NRXN1: variants seen among roughly 807,000 people sequenced by gnomAD.
NRXN1 encodes neurexin 1, also known as neurexin-1.
A neutral mutation model predicts 150.9 loss-of-function variants in NRXN1; 39 were observed. That is an observed-to-expected ratio of 0.26 (90% CI 0.20 to 0.34). NRXN1 has a LOEUF of 0.34. Among genes scored for constraint, NRXN1 ranks in the 10% least tolerant of loss-of-function variants. The pLI, the probability that NRXN1 is intolerant of heterozygous loss-of-function variation, is 1.00. For missense variants in NRXN1, 1,815 were observed against 1,949.9 expected (o/e 0.93, Z 1.30); for synonymous variants, 924 against 757.0 (o/e 1.22, Z -3.62).
chr2:50,660,581 G>A (rs1250469447), intron 5 of NRXN1, among the ~76,000 whole-genome samples: 2 of 152,024 alleles, frequency 1.3e-5, no homozygotes, highest in African/African-American at 4.8e-5. Flanking sequence ...CATCTAATGA[G>A]AAGAGACCTT....
rs561543028 is a variant in NRXN1, at chr2:50,009,210, T to C, written c.4128+44061A>G. On this transcript the variant is annotated intron_variant, in intron 21 of 22. Coordinates refer to ENST00000401669, the MANE Select transcript of NRXN1 (RefSeq NM_001330078.2). The stretch of plus-strand genomic sequence containing the variant: ...CTATGGGACCTGCTATAGTTCTTGA[T>C]GATCCCTTGTCATGAATGGAACTTA... Among the ~76,000 whole-genome samples the C allele has an allele frequency of 5.3e-5, 8 of 152,268 alleles. No individual in the cohort carries two copies. The South Asian group carries it at 1.7e-3, about 32-fold the overall frequency.
At chr2:49,994,075 A>C (rs1682498754) in intron 21 of NRXN1, among the ~76,000 whole-genome samples, 1 of 152,146 alleles carries the variant, frequency 6.6e-6, no homozygotes, top group Non-Finnish European at 1.5e-5. Flanking sequence ...TCAGAATCAC[A>C]CCGGGGATCC....
intron 5 of NRXN1, among the ~76,000 whole-genome samples, chr2:50,828,928 G>C (rs1296569136): frequency 6.6e-6 from 1 of 152,236 alleles, no homozygotes; most frequent in Non-Finnish European, 1.5e-5. Flanking sequence ...CTGCACTCCA[G>C]CCTGGGCACC....
intron 6 of NRXN1, 36 bp downstream of exon 6, chr2:50,623,278 C>T (rs369982509): frequency 7.6e-6 from 12 of 1,571,644 alleles, no homozygotes; most frequent in East Asian, 2.3e-5. Flanking sequence ...TAGCGAGAAA[C>T]AAAGCCAGTT....
At position 50,231,923 on chromosome 2, in the gene NRXN1, T is replaced by C. The variant is rs142796439; in HGVS notation, c.3546+4866A>G. Among the ~76,000 whole-genome samples the C allele has an allele frequency of 1.6e-4, 24 of 152,252 alleles. No homozygotes were observed. The East Asian group carries it at 4.7e-3, about 30-fold the overall frequency. On this transcript the variant is annotated intron_variant, in intron 18 of 22. Transcript: ENST00000401669. ...GCTTCTAAGAAATTATTTAAGTCATTATCAGTTAAATAATCCTCAACACAT... is the reference window on the plus strand; with the variant it reads ...GCTTCTAAGAAATTATTTAAGTCATCATCAGTTAAATAATCCTCAACACAT...
chr2:50,644,271 GT>G (rs1361844552), intron 5 of NRXN1, among the ~76,000 whole-genome samples: 1 of 151,634 alleles, frequency 6.6e-6, no homozygotes, highest in East Asian at 1.9e-4. Flanking sequence ...CCCTGATTAT[GT>G]TAGGTAACTG....
At chr2:50,513,272 G>A (rs1264331701) in intron 12 of NRXN1, among the ~76,000 whole-genome samples, 1 of 152,044 alleles carries the variant, frequency 6.6e-6, no homozygotes, top group African/African-American at 2.4e-5. Flanking sequence ...ACCACCAAAG[G>A]ATCTACCATT....
At chr2:50,443,401 T>C (rs1027404309) in intron 17 of NRXN1, among the ~76,000 whole-genome samples, 1 of 152,182 alleles carries the variant, frequency 6.6e-6, no homozygotes, top group Non-Finnish European at 1.5e-5. Flanking sequence ...GTATAGAAAG[T>C]GTGAGGCCAG....
intron 2 of NRXN1, among the ~76,000 whole-genome samples, chr2:51,026,709 C>T (rs779505097): frequency 9.9e-5 from 15 of 152,192 alleles, no homozygotes; most frequent in Non-Finnish European, 1.6e-4. Flanking sequence ...CTTTATAAGG[C>T]ATTTGTTAAT....
chr2:50,310,671 A>G (rs557291968), intron 17 of NRXN1, among the ~76,000 whole-genome samples: 1 of 152,288 alleles, frequency 6.6e-6, no homozygotes, highest in African/African-American at 2.4e-5. Context: ...TTATTGGAGA[A>G]CATTTAGTCT....
At chr2:50,574,042 T>C (rs1200995543) in intron 8 of NRXN1, among the ~76,000 whole-genome samples, 1 of 152,106 alleles carries the variant, frequency 6.6e-6, no homozygotes, top group Non-Finnish European at 1.5e-5. Flanking sequence ...GTTGCATATT[T>C]AAGAAGTCTC....
chr2:50,833,773 C>T (rs1177408090), intron 5 of NRXN1, among the ~76,000 whole-genome samples: 1 of 152,012 alleles, frequency 6.6e-6, no homozygotes, highest in African/African-American at 2.4e-5. Flanking sequence ...ACTTCATATA[C>T]CACTCAAAAA....
At chr2:50,808,315 G>T (rs547391204) in intron 5 of NRXN1, among the ~76,000 whole-genome samples, 93 of 152,084 alleles carry the variant, frequency 6.1e-4, no homozygotes, top group Middle Eastern at 6.8e-3. Flanking sequence ...ACTTTCATAA[G>T]CCATGTTTTA....
chr2:50,202,886 A>G (rs1229101504), intron 18 of NRXN1, among the ~76,000 whole-genome samples: 1 of 152,126 alleles, frequency 6.6e-6, no homozygotes, highest in Non-Finnish European at 1.5e-5. Flanking sequence ...TTTTAAAATA[A>G]CTCTATAGCA....
chr2:50,941,360 G>A (rs116054627), intron 2 of NRXN1, among the ~76,000 whole-genome samples: 10,849 of 152,186 alleles, frequency 0.071, 523 homozygotes, highest in Middle Eastern at 0.12. Flanking sequence ...ACTGGGTAAC[G>A]GGCAGAAATT....
At chr2:50,623,282 G>A (rs1250490264) in intron 6 of NRXN1, 32 bp downstream of exon 6, 2 of 1,575,008 alleles carry the variant, frequency 1.3e-6, no homozygotes, top group Non-Finnish European at 1.7e-6. Context: ...GAGAAACAAA[G>A]CCAGTTACTC....
chr2:50,750,868 A>C (rs1263810907), intron 5 of NRXN1, among the ~76,000 whole-genome samples: 1 of 152,074 alleles, frequency 6.6e-6, no homozygotes, highest in Non-Finnish European at 1.5e-5. Flanking sequence ...TATTATAAGA[A>C]AACATAAAGA....
chr2:51,013,066 G>A (rs1167624577), intron 2 of NRXN1, among the ~76,000 whole-genome samples: 1 of 151,942 alleles, frequency 6.6e-6, no homozygotes, highest in Non-Finnish European at 1.5e-5. Flanking sequence ...TATGCAGCAG[G>A]GCAAGAACAT....
rs72887722 is a variant in NRXN1 at position 50,177,277 on chromosome 2, T to G, written c.3546+59512A>C. Among the ~76,000 whole-genome samples the G allele has an allele frequency of 1.3e-3, 195 of 152,208 alleles. 1 individual carries two copies. Among genetic ancestry groups the G allele is most frequent in the African/African-American group, 4.2e-3 (173 of 41,572 alleles). ...TCCCACCATCCTCCCTTTTGGAGTT[T>G]CCAGTGTCTGTCATCTCCAGAAAAT... On this transcript the variant is annotated intron_variant, in intron 18 of 22. Transcript: ENST00000401669.
Sources: gnomAD v4.1 joint callset for allele counts (sites outside exome capture counted in the v4.1 genomes callset) on GRCh38, gnomAD v4.1.1 for gene constraint, MANE v1.5 for transcripts, NCBI Gene and HGNC (gene_info 2026-07-23, HGNC 2026-07-21) for gene names.